The following CNTN5 variants were observed in gnomAD, a reference collection of about 807,000 sequenced individuals.
The protein encoded by CNTN5 is contactin 5.
In CNTN5, 77 loss-of-function variants were observed where a neutral mutation model predicts 129.1. The ratio of observed to expected loss-of-function variants is 0.60; its 90% CI spans 0.50 to 0.72. The LOEUF (loss-of-function observed/expected upper bound fraction) is 0.72, where lower values mean the gene tolerates loss of function less well. Ranked by LOEUF, CNTN5 falls within the 30% of genes least tolerant of loss-of-function variation. CNTN5 has a pLI of 0.00. For synonymous variants in CNTN5, 509 were observed against 465.6 expected (o/e 1.09, Z -1.20); for missense variants, 1,478 against 1,328.8 (o/e 1.11, Z -1.75).
chr11:99,650,041 G>T (rs1952096712), intron 3 of CNTN5, among the ~76,000 whole-genome samples: 1 of 151,766 alleles, frequency 6.6e-6, no homozygotes. Context: ...TGCATTTGGA[G>T]CATGCAAAAG....
chr11:99,024,981 T>A (rs1388245018), intron 1 of CNTN5, among the ~76,000 whole-genome samples: 1 of 151,994 alleles, frequency 6.6e-6, no homozygotes, highest in African/African-American at 2.4e-5. Context: ...AACACGGGTG[T>A]AAAGTTGTTT....
At chr11:99,638,642 A>G (rs1442109247) in intron 3 of CNTN5, among the ~76,000 whole-genome samples, 1 of 152,144 alleles carries the variant, frequency 6.6e-6, no homozygotes, top group African/African-American at 2.4e-5. Flanking sequence ...GGCTAAAACA[A>G]AGGGGTTTTC....
At chr11:99,058,569 G>A (rs1864733041) in intron 1 of CNTN5, among the ~76,000 whole-genome samples, 1 of 151,972 alleles carries the variant, frequency 6.6e-6, no homozygotes, top group Admixed American at 6.6e-5. Flanking sequence ...TTTAATTTCA[G>A]AGATCTTTGC....
At chr11:99,886,707 A>G (rs1429060234) in intron 6 of CNTN5, among the ~76,000 whole-genome samples, 2 of 152,224 alleles carry the variant, frequency 1.3e-5, no homozygotes, top group Admixed American at 6.5e-5. Context: ...AAAAAAATAC[A>G]GTACATTCAG....
chr11:99,335,217 A>G (rs898849214), intron 2 of CNTN5, among the ~76,000 whole-genome samples: 2 of 152,146 alleles, frequency 1.3e-5, no homozygotes, highest in African/African-American at 4.8e-5. Flanking sequence ...TAAAGCAGTG[A>G]GATCAAGAAG....
intron 2 of CNTN5, among the ~76,000 whole-genome samples, chr11:99,457,068 G>T (rs1476819060): frequency 6.6e-6 from 1 of 151,890 alleles, no homozygotes; most frequent in Non-Finnish European, 1.5e-5. Context: ...TTTTCTGCAG[G>T]TTTCCAAAGT....
chr11:99,204,260 GT>G (rs1316597946), intron 1 of CNTN5, among the ~76,000 whole-genome samples: 1 of 152,154 alleles, frequency 6.6e-6, no homozygotes, highest in Non-Finnish European at 1.5e-5. Context: ...CTAAAGCAGT[GT>G]TTTTAAATTC....
chr11:99,551,974 C>G (rs1025863778), intron 2 of CNTN5, among the ~76,000 whole-genome samples: 1 of 150,120 alleles, frequency 6.7e-6, no homozygotes, highest in Admixed American at 6.6e-5. Context: ...GTGGCACAAT[C>G]TTGGCTCACT....
chr11:99,880,175 GA>G (rs1053080062), intron 6 of CNTN5, among the ~76,000 whole-genome samples: 1 of 152,152 alleles, frequency 6.6e-6, no homozygotes, highest in African/African-American at 2.4e-5. Context: ...TGAGGCAATT[GA>G]AAACATTTTA....
intron 1 of CNTN5, among the ~76,000 whole-genome samples, chr11:99,168,376 G>A (rs945117406): frequency 2.4e-4 from 36 of 152,072 alleles, no homozygotes; most frequent in African/African-American, 8.4e-4. Context: ...TCAGGAGTTC[G>A]AGACCAGCCT....
At chr11:99,037,250 A>T (rs760582983) in intron 1 of CNTN5, among the ~76,000 whole-genome samples, 1 of 152,148 alleles carries the variant, frequency 6.6e-6, no homozygotes, top group African/African-American at 2.4e-5. Flanking sequence ...CTCTCCCTCT[A>T]TTCTCCAACA....
chr11:100,132,923 A>G (rs1465213345), intron 13 of CNTN5, among the ~76,000 whole-genome samples: 2 of 152,122 alleles, frequency 1.3e-5, no homozygotes, highest in Non-Finnish European at 2.9e-5. Flanking sequence ...TTGCAAATAA[A>G]AAGGCAACTC....
intron 2 of CNTN5, among the ~76,000 whole-genome samples, chr11:99,438,329 T>C (rs1186239094): frequency 1.3e-5 from 2 of 152,186 alleles, no homozygotes. Context: ...CTATTCGTCT[T>C]ATCTCTATTT....
At chr11:99,180,873 A>C (rs1858020827) in intron 1 of CNTN5, among the ~76,000 whole-genome samples, 1 of 152,238 alleles carries the variant, frequency 6.6e-6, no homozygotes, top group Non-Finnish European at 1.5e-5. Context: ...ATATACACAT[A>C]AGATTCAATA....
At chr11:99,806,406 AAT>A (rs1946270903) in intron 3 of CNTN5, among the ~76,000 whole-genome samples, 1 of 152,192 alleles carries the variant, frequency 6.6e-6, no homozygotes, top group South Asian at 2.1e-4. Flanking sequence ...GAAGAAAGTA[AAT>A]ATATAAATAC....
chr11:99,039,670 G>A (rs1212743190), intron 1 of CNTN5, among the ~76,000 whole-genome samples: 1 of 152,056 alleles, frequency 6.6e-6, no homozygotes, highest in Non-Finnish European at 1.5e-5. Flanking sequence ...ACAGAATGGT[G>A]GACAGTTGCT....
At chr11:100,067,196 A>G (rs2137841467) in intron 10 of CNTN5, among the ~76,000 whole-genome samples, 1 of 152,148 alleles carries the variant, frequency 6.6e-6, no homozygotes, top group East Asian at 1.9e-4. Flanking sequence ...CCATAGCCTT[A>G]ATGTTAATTA....
At chr11:99,722,321 G>A (rs925101565) in intron 3 of CNTN5, among the ~76,000 whole-genome samples, 4 of 152,124 alleles carry the variant, frequency 2.6e-5, no homozygotes, top group African/African-American at 9.6e-5. Flanking sequence ...ATGAGATCAT[G>A]TCTTTTGCAG....
rs149780509 is a variant in CNTN5, at chr11:99,266,865, C to T, written c.-209-58481C>T. On this transcript the variant is annotated intron_variant, in intron 1 of 24. Coordinates refer to ENST00000524871, the MANE Select transcript of CNTN5 (RefSeq NM_014361.4). ...TTTTCAGCAGAGACAGATAAGTATG[C>T]GCAACCTCAAATAACAAAAATAAGA... 2.3e-3 allele frequency among the ~76,000 whole-genome samples: 344 copies of T among 151,940 alleles called. 1 individual carries two copies. Among genetic ancestry groups the T allele is most frequent in the African/African-American group, 7.9e-3 (327 of 41,466 alleles).
Sources: gnomAD v4.1 joint callset for allele counts (sites outside exome capture counted in the v4.1 genomes callset) on GRCh38, gnomAD v4.1.1 for gene constraint, MANE v1.5 for transcripts, NCBI Gene and HGNC (gene_info 2026-07-23, HGNC 2026-07-21) for gene names.